The following PTBP1 variants were observed in gnomAD, a reference collection of about 807,000 sequenced individuals.
PTBP1 encodes polypyrimidine tract binding protein 1, also known as polypyrimidine tract-binding protein 1.
Under a neutral mutation model 59.8 loss-of-function variants are expected in PTBP1, and 8 were observed. The ratio of observed to expected loss-of-function variants is 0.13; its 90% CI spans 0.08 to 0.24. PTBP1 has a LOEUF of 0.24. PTBP1 is among the 10% of genes least tolerant of loss of function. The pLI, the probability that PTBP1 is intolerant of heterozygous loss-of-function variation, is 1.00. For synonymous variants in PTBP1, 490 were observed against 320.7 expected (o/e 1.53, Z -5.64); for missense variants, 686 against 767.0 (o/e 0.89, Z 1.25).
At chr19:806,270 A>G in intron 9 of PTBP1, 138 bp from the exon 10 acceptor site, 1 of 1,010,230 alleles carries the variant, frequency 9.9e-7, no homozygotes, top group Non-Finnish European at 1.4e-6. Flanking sequence ...CCCCACAGGC[A>G]CCCAGGGTAG....
rs751331425 is a variant in PTBP1, at chr19:806,576, G to A, written c.1119+20G>A. On this transcript the variant is annotated intron_variant, in intron 10 of 14. Coordinates refer to ENST00000356948, the MANE Select transcript of PTBP1 (RefSeq NM_002819.5). ...CCAGAGGTACGTGGGCTTTTCCTCC[G>A]CGCCGCCGTTCCTCCCGGAAGAGCG... is the stretch of plus-strand genomic sequence containing the variant. 8 of 1,477,666 alleles carry A rather than the reference G, an allele frequency of 5.4e-6. No homozygotes were observed. The highest frequency in any genetic ancestry group is 2.5e-5 in the Admixed American group (1 of 40,508). The allele number at this position is 1,477,666 out of a possible 1,614,324, so 91.5% of individuals were successfully genotyped here. A position where few individuals can be genotyped will look rare whatever the true frequency, so the allele number is the denominator to read the frequency against.
chr19:808,335 A>T lies in PTBP1; in HGVS notation c.1154-25A>T. Reference sequence around the variant, plus strand: ...GGGCGGGGCAGGCAGCAGGAGACTCAGGCCCCATCCCTGGGCTTTTGAAGG... The same window carrying T: ...GGGCGGGGCAGGCAGCAGGAGACTCTGGCCCCATCCCTGGGCTTTTGAAGG... On this transcript the variant is annotated intron_variant, in intron 11 of 14. Transcript: ENST00000356948. The surrounding 1 kb of genome is among the most constrained non-coding windows in gnomAD (Gnocchi z 4.7). 6.4e-7 allele frequency: 1 copy of T among 1,560,510 alleles called. No individual in the cohort carries two copies. Among genetic ancestry groups the T allele is most frequent in the Non-Finnish European group, 8.7e-7 (1 of 1,148,808 alleles).
At chr19:806,349 C>T (rs1236940400) in intron 9 of PTBP1, 59 bp from the exon 10 acceptor site, 11 of 1,531,402 alleles carry the variant, frequency 7.2e-6, no homozygotes, top group South Asian at 3.7e-5. Flanking sequence ...GCGTCGGCCT[C>T]TCCCACTCTG....
At position 808,391 on chromosome 19, in the gene PTBP1, C is replaced by G; in HGVS notation, c.1185C>G (p.Ile395Met). The change falls in exon 12 of 15, where the codon ATC becomes ATG. Residue 395 changes from isoleucine (I) to methionine (M), a missense_variant. Physicochemically the swap from Ile to Met is conservative, Grantham distance 10. Transcript: ENST00000356948. The surrounding 1 kb of genome is among the most constrained non-coding windows in gnomAD (Gnocchi z 4.7). Reference sequence around the variant, plus strand: ...ACGGTGACGTGCAGCGCGTGAAGATCCTGTTCAATAAGAAGGAGAACGCCC... The same window carrying G: ...ACGGTGACGTGCAGCGCGTGAAGATGCTGTTCAATAAGAAGGAGAACGCCC... The part of the protein sequence containing the change: ...GVYGDVQRVK[I>M]LFNKKENALV... The G allele has an allele frequency of 6.2e-7, 1 of 1,606,182 alleles. No individual in the cohort carries two copies. Among genetic ancestry groups the G allele is most frequent in the East Asian group, 2.2e-5 (1 of 44,684 alleles).
intron 2 of PTBP1, among the ~76,000 whole-genome samples, chr19:801,110 G>A (rs1242798285): frequency 1.3e-5 from 2 of 151,902 alleles, no homozygotes; most frequent in Admixed American, 6.6e-5. Flanking sequence ...CTTGTTCAGT[G>A]TGGGGTTAAA....
intron 2 of PTBP1, among the ~76,000 whole-genome samples, chr19:802,935 C>T (rs1044029849): frequency 2.6e-5 from 4 of 152,336 alleles, no homozygotes; most frequent in Middle Eastern, 3.4e-3. Flanking sequence ...TAGTCACGGC[C>T]GCGATACCAG....
Position 808,678 on chromosome 19 carries a change from C to G in PTBP1, c.1379C>G (p.Pro460Arg). Reference sequence around the variant, plus strand: ...CTGACCAAGGACTACGGCAACTCACCCCTGCACCGCTTCAAGAAGCCGGGC... The same window carrying G: ...CTGACCAAGGACTACGGCAACTCACGCCTGCACCGCTTCAAGAAGCCGGGC... ...QGLTKDYGNS[P>R]LHRFKKPGSK... is the part of the protein sequence containing the mutation. Residue 460 changes from proline (P) to arginine (R), a missense_variant, in exon 13 of 15, where the codon CCC becomes CGC. Transcript: ENST00000356948. This position sits in a 1 kb window ranked among gnomAD's most constrained non-coding sequence, Gnocchi z 4.7. 4 of 1,612,866 alleles carry G rather than the reference C, an allele frequency of 2.5e-6. No homozygotes were observed. The highest frequency in any genetic ancestry group is 3.4e-6 in the Non-Finnish European group (4 of 1,179,938).
rs2034464756 is a variant in PTBP1 at position 804,324 on chromosome 19, C to A, written c.321C>A (p.Ala107=). The part of the protein sequence containing the change: ...AFIEMNTEEA[A]NTMVNYYTSV... ...TCGAGATGAACACGGAGGAGGCTGC[C>A]AACACCATGGTGAACTACTACACCT... Residue 107 remains alanine (A), a synonymous_variant, in exon 5 of 15, where the codon GCC becomes GCA. Coordinates refer to ENST00000356948, the MANE Select transcript of PTBP1 (RefSeq NM_002819.5). 6.2e-7 allele frequency: 1 copy of A among 1,613,774 alleles called. No individual in the cohort carries two copies. Among genetic ancestry groups the A allele is most frequent in the East Asian group, 2.2e-5 (1 of 44,882 alleles).
intron 10 of PTBP1, chr19:806,943 A>C (rs1270308765): frequency 1.7e-5 from 3 of 175,166 alleles, no homozygotes; most frequent in East Asian, 3.0e-4. Context: ...AGAGCCTGTC[A>C]CTTAACTGGT....
chr19:806,379 G>A (rs376170282), intron 9 of PTBP1, 29 bp from the exon 10 acceptor site: 21 of 1,578,728 alleles, frequency 1.3e-5, no homozygotes, highest in Admixed American at 1.8e-5. Context: ...CGGGGGCGCC[G>A]CCGCTCATCT....
At chr19:797,837 TCCCGTCCGGCCCTCGCGCG>T (rs2034140649) in intron 1 of PTBP1, among the ~76,000 whole-genome samples, 1 of 147,664 alleles carries the variant, frequency 6.8e-6, no homozygotes, top group African/African-American at 2.5e-5. Flanking sequence ...CCTTCCCGCT[TCCCGTCCGGCCCTCGCGCG>T]CCCGGATGGC....
chr19:807,135 G>C (rs1047479785), intron 10 of PTBP1: 1 of 152,314 alleles, frequency 6.6e-6, no homozygotes, highest in Non-Finnish European at 1.5e-5. Context: ...CCTCCCTCGC[G>C]GGGGCCCAGG....
chr19:797,595 G>GC (rs1169256071), intron 1 of PTBP1, 90 bp downstream of exon 1: 1 of 927,302 alleles, frequency 1.1e-6, no homozygotes, highest in East Asian at 3.7e-5. Context: ...GGCCGATCTC[G>GC]CCCCCTCTCG....
chr19:803,146 G>A (rs2034410186), intron 2 of PTBP1, among the ~76,000 whole-genome samples: 2 of 152,222 alleles, frequency 1.3e-5, no homozygotes, highest in South Asian at 2.1e-4. Flanking sequence ...GCTGCTGGGG[G>A]GGCTGGCTCC....
intron 3 of PTBP1, 72 bp from the exon 4 acceptor site, chr19:803,962 AGG>A (rs1302546399): frequency 2.8e-5 from 44 of 1,566,662 alleles, no homozygotes; most frequent in Non-Finnish European, 3.4e-5. Flanking sequence ...GCAGGGCTCT[AGG>A]GGGATAGCAG....
intron 9 of PTBP1, 61 bp from the exon 10 acceptor site, chr19:806,347 C>G: frequency 1.3e-6 from 2 of 1,520,152 alleles, no homozygotes; most frequent in Non-Finnish European, 1.8e-6. Context: ...GAGCGTCGGC[C>G]TCTCCCACTC....
At position 809,811 on chromosome 19, in the gene PTBP1, G is replaced by A. The variant is rs534320752; in HGVS notation, c.1464-732G>A. The stretch of plus-strand genomic sequence containing the variant: ...CCGGATTGGGAGGTTGAGGTGGGAG[G>A]TTCACTTCGCGCTCAGGAGGTTGAG... On this transcript the variant is annotated intron_variant, in intron 13 of 14. Coordinates refer to ENST00000356948, the MANE Select transcript of PTBP1 (RefSeq NM_002819.5). Among the ~76,000 whole-genome samples, 6 of 152,290 alleles carry A rather than the reference G, an allele frequency of 3.9e-5. No individual in the cohort carries two copies. The East Asian group carries it at 9.6e-4, about 24-fold the overall frequency.
In PTBP1 at chr19:808,319, A is replaced by G. The variant is rs2034673046; in HGVS notation, c.1154-41A>G. ...GGGCTGACGGGGAGATGGGCGGGGC[A>G]GGCAGCAGGAGACTCAGGCCCCATC... On this transcript the variant is annotated intron_variant, in intron 11 of 14. Transcript: ENST00000356948. The surrounding 1 kb of genome is among the most constrained non-coding windows in gnomAD (Gnocchi z 4.7). The G allele has an allele frequency of 1.4e-6, 2 of 1,476,648 alleles. No homozygotes were observed. The highest frequency in any genetic ancestry group is 2.4e-5 in the East Asian group (1 of 41,572). The allele number at this position is 1,476,648 out of a possible 1,614,324, so 91.5% of individuals were successfully genotyped here.
intron 9 of PTBP1, 151 bp from the exon 10 acceptor site, chr19:806,257 C>T (rs953537121): frequency 6.9e-6 from 6 of 874,936 alleles, no homozygotes; most frequent in Non-Finnish European, 8.0e-6. Context: ...GGGGGTCGGA[C>T]GACCCCACAG....
Sources: gnomAD v4.1 joint callset for allele counts (sites outside exome capture counted in the v4.1 genomes callset) on GRCh38, gnomAD v4.1.1 for gene constraint, Gnocchi (gnomAD v3.1) non-coding constraint, MANE v1.5 for transcripts, NCBI Gene and HGNC (gene_info 2026-07-23, HGNC 2026-07-21) for gene names.